The following CASZ1 variants were observed in gnomAD, a reference collection of about 807,000 sequenced individuals.
The protein encoded by CASZ1 is zinc finger protein castor homolog 1.
In CASZ1, 28 loss-of-function variants were observed where a neutral mutation model predicts 135.2. The observed-to-expected ratio is 0.21, with a 90% CI of 0.15 to 0.28. The LOEUF (loss-of-function observed/expected upper bound fraction) is 0.28. Among genes scored for constraint, CASZ1 ranks in the 10% least tolerant of loss-of-function variants. CASZ1 has a pLI of 1.00. For missense variants in CASZ1, 2,161 were observed against 2,453.3 expected, an observed-to-expected ratio of 0.88 and a Z score of 2.52; for synonymous variants, 1,068 against 1,073.4, an observed-to-expected ratio of 0.99 and a Z score of 0.10.
intron 2 of CASZ1, among the ~76,000 whole-genome samples, chr1:10,733,649 C>T (rs1012868653): frequency 1.3e-5 from 2 of 152,210 alleles, no homozygotes; most frequent in African/African-American, 4.8e-5. Context: ...AGGCCCAACT[C>T]AGTCTCCACT....
At chr1:10,729,711 C>A (rs1639669079) in intron 2 of CASZ1, among the ~76,000 whole-genome samples, 1 of 152,236 alleles carries the variant, frequency 6.6e-6, no homozygotes, top group South Asian at 2.1e-4. Context: ...AGCGGGTGAG[C>A]GGAACTGCCG....
chr1:10,672,339 G>A lies in CASZ1; in HGVS notation c.17-6768C>T, dbSNP rs985263174. On this transcript the variant is annotated intron_variant, in intron 4 of 20. Transcript: ENST00000377022. Reference sequence around the variant, plus strand: ...GGAAGGTCATTACAAACGACTTTCCGATTCACTGCTCCTGAAATAATTTTG... The same window carrying A: ...GGAAGGTCATTACAAACGACTTTCCAATTCACTGCTCCTGAAATAATTTTG... Among the ~76,000 whole-genome samples the A allele has an allele frequency of 4.6e-5, 7 of 151,636 alleles. No individual in the cohort carries two copies. The East Asian group carries it at 1.2e-3, about 25-fold the overall frequency.
chr1:10,749,538 C>T (rs772944789), intron 2 of CASZ1, among the ~76,000 whole-genome samples: 5 of 152,120 alleles, frequency 3.3e-5, no homozygotes, highest in Admixed American at 1.3e-4. Context: ...TGAGCCACCA[C>T]GCCCGGCCTA....
Position 10,636,882 on chromosome 1 carries a change from A to G in CASZ1, c.*2060T>C, listed in dbSNP as rs1257493370. On this transcript the variant is annotated 3_prime_UTR_variant, in exon 21 of 21. Transcript: ENST00000377022. Reference sequence around the variant, plus strand: ...TCTATATATGTATATACATATAGATATATACACACACATATGTGCATACAT... The same window carrying G: ...TCTATATATGTATATACATATAGATGTATACACACACATATGTGCATACAT... The G allele has an allele frequency of 6.6e-6, 1 of 151,960 alleles. No homozygotes were observed. Among genetic ancestry groups the G allele is most frequent in the Non-Finnish European group, 1.5e-5 (1 of 67,968 alleles). The allele number at this position is 151,960 out of a possible 1,614,324, so 9.4% of individuals were successfully genotyped here.
intron 2 of CASZ1, among the ~76,000 whole-genome samples, chr1:10,723,245 G>T (rs1349156961): frequency 1.3e-5 from 2 of 152,150 alleles, no homozygotes; most frequent in Admixed American, 1.3e-4. Flanking sequence ...AGCCAGAGGG[G>T]CCCACCTCCC....
Position 10,679,442 on chromosome 1 carries a change from T to A in CASZ1, c.17-13871A>T, listed in dbSNP as rs1300983711. 6.6e-6 allele frequency among the ~76,000 whole-genome samples: 1 copy of A among 151,516 alleles called. No individual in the cohort carries two copies. The highest frequency in any genetic ancestry group is 2.4e-5 in the African/African-American group (1 of 41,188). On this transcript the variant is annotated intron_variant, in intron 4 of 20. Coordinates refer to ENST00000377022, the MANE Select transcript of CASZ1 (RefSeq NM_001079843.3). The surrounding 1 kb of genome is among the most constrained non-coding windows in gnomAD (Gnocchi z 4.7). ...TCCCTCTGCCGATTCCAGGCTGGAG[T>A]CATTGTTCACCATCAGGATGACTCG...
intron 2 of CASZ1, among the ~76,000 whole-genome samples, chr1:10,742,405 G>A (rs963482286): frequency 2.6e-5 from 4 of 152,174 alleles, no homozygotes; most frequent in African/African-American, 7.2e-5. Flanking sequence ...GCTCGGACGC[G>A]GGGCTTGGTG....
chr1:10,655,821 G>A lies in CASZ1; in HGVS notation c.1501-8C>T, dbSNP rs1315786788. On this transcript the variant is annotated splice_region_variant and splice_polypyrimidine_tract_variant and intron_variant, in intron 8 of 20. Transcript: ENST00000377022. ...CTGCTTACTCGTGAACCTCTGCCAG[G>A]AGACAGCGCCACGTGGGCAGGAGCC... 1 of 1,612,286 alleles carries A rather than the reference G, an allele frequency of 6.2e-7. No homozygotes were observed. Among genetic ancestry groups the A allele is most frequent in the East Asian group, 2.2e-5 (1 of 44,798 alleles).
In CASZ1 at chr1:10,706,472, C is replaced by T. The variant is rs1309304499; in HGVS notation, c.-76-928G>A. 6.6e-6 allele frequency among the ~76,000 whole-genome samples: 1 copy of T among 152,150 alleles called. No individual in the cohort carries two copies. Among genetic ancestry groups the T allele is most frequent in the Non-Finnish European group, 1.5e-5 (1 of 68,012 alleles). On this transcript the variant is annotated intron_variant, in intron 2 of 20. Coordinates refer to ENST00000377022, the MANE Select transcript of CASZ1 (RefSeq NM_001079843.3). This position sits in a 1 kb window ranked among gnomAD's most constrained non-coding sequence, Gnocchi z 4.3. ...TCCCCCTCCCTCATTTGTGGCTTAT[C>T]AATGATGCAAGAGGAATAACACCAA... is the stretch of plus-strand genomic sequence containing the variant.
chr1:10,721,520 C>T lies in CASZ1; in HGVS notation c.-76-15976G>A, dbSNP rs996280550. ...TCATTTTCATAGGATCTCCTCCATT[C>T]CCGGCTCGCAGGGAGCTTGAAACCA... On this transcript the variant is annotated intron_variant, in intron 2 of 20. Transcript: ENST00000377022. This position sits in a 1 kb window ranked among gnomAD's most constrained non-coding sequence, Gnocchi z 5.4. 1.6e-4 allele frequency among the ~76,000 whole-genome samples: 24 copies of T among 152,178 alleles called. No individual in the cohort carries two copies. Among genetic ancestry groups the T allele is most frequent in the Admixed American group, 1.6e-3 (24 of 15,290 alleles).
At chr1:10,668,144 G>A (rs561113275) in intron 4 of CASZ1, among the ~76,000 whole-genome samples, 25 of 152,278 alleles carry the variant, frequency 1.6e-4, no homozygotes, top group African/African-American at 6.0e-4. Flanking sequence ...GTAAGTGCGA[G>A]CGCGTGTGAG....
chr1:10,743,977 C>G (rs550727667), intron 2 of CASZ1, among the ~76,000 whole-genome samples: 1 of 152,200 alleles, frequency 6.6e-6, no homozygotes, highest in East Asian at 1.9e-4. Flanking sequence ...GGACACCCAA[C>G]TATCTAGCAT....
chr1:10,703,765 C>A (rs1454271238), intron 3 of CASZ1, among the ~76,000 whole-genome samples: 1 of 152,202 alleles, frequency 6.6e-6, no homozygotes, highest in Non-Finnish European at 1.5e-5. Flanking sequence ...AATCATTAAC[C>A]TTTTAGGCTT....
rs1400219238 is a variant in CASZ1 at position 10,777,152 on chromosome 1, A to T, written c.-233-16295T>A. Among the ~76,000 whole-genome samples, 1 of 152,208 alleles carries T rather than the reference A, an allele frequency of 6.6e-6. No homozygotes were observed. The highest frequency in any genetic ancestry group is 1.5e-5 in the Non-Finnish European group (1 of 68,026). On this transcript the variant is annotated intron_variant, in intron 1 of 20. Transcript: ENST00000377022. The surrounding 1 kb of genome is among the most constrained non-coding windows in gnomAD (Gnocchi z 4.4). ...AGTTTCCCCACCTGTAAACCAGGACAATAACCTGTGAGCTGCCTTCTTCAC... is the reference window on the plus strand; with the variant it reads ...AGTTTCCCCACCTGTAAACCAGGACTATAACCTGTGAGCTGCCTTCTTCAC...
intron 1 of CASZ1, among the ~76,000 whole-genome samples, chr1:10,775,010 G>C (rs1640637976): frequency 6.6e-6 from 1 of 151,950 alleles, no homozygotes; most frequent in African/African-American, 2.4e-5. Context: ...AATACACCGA[G>C]AAAACCTCAC....
rs1268734842 is a variant in CASZ1 at position 10,647,023 on chromosome 1, TG to T, written c.3498-698del. Among the ~76,000 whole-genome samples the T allele has an allele frequency of 6.6e-6, 1 of 151,202 alleles. No homozygotes were observed. Among genetic ancestry groups the T allele is most frequent in the East Asian group, 2.0e-4 (1 of 5,088 alleles). On this transcript the variant is annotated intron_variant, in intron 16 of 20. Transcript: ENST00000377022. The surrounding 1 kb of genome is among the most constrained non-coding windows in gnomAD (Gnocchi z 4.9). ...AGCCTTCAACTCTGGTTGGCAACACTGTAGTCCCCTCCCAGGGGACCCACGG... is the reference window on the plus strand; with the variant it reads ...AGCCTTCAACTCTGGTTGGCAACACTTAGTCCCCTCCCAGGGGACCCACGG...
intron 4 of CASZ1, among the ~76,000 whole-genome samples, chr1:10,689,333 T>C (rs1357139646): frequency 3.3e-5 from 5 of 152,182 alleles, no homozygotes; most frequent in Admixed American, 6.5e-5. Flanking sequence ...GGCTTAGCCC[T>C]CCAAAGGTGC....
In CASZ1 at chr1:10,758,316, T is replaced by TTCTCTC. The variant is rs141247615; in HGVS notation, c.-77+2379_-77+2384dup. 7.2e-4 allele frequency among the ~76,000 whole-genome samples: 74 copies of TTCTCTC among 103,384 alleles called. 2 individuals are homozygous for TTCTCTC. Among genetic ancestry groups the TTCTCTC allele is most frequent in the Middle Eastern group, 4.9e-3 (1 of 206 alleles). 67.8% of individuals were successfully genotyped at this position (103,384 alleles called of 152,430 possible). On this transcript the variant is annotated intron_variant, in intron 2 of 20. Coordinates refer to ENST00000377022, the MANE Select transcript of CASZ1 (RefSeq NM_001079843.3). ...AGTGACTGACAGACGCCAGACCCTC[T>TTCTCTC]TCTCTCTCTCTCTTTTTTTTTTTTT...
Position 10,711,757 on chromosome 1 carries a change from G to A in CASZ1, c.-76-6213C>T, listed in dbSNP as rs1557525389. Among the ~76,000 whole-genome samples the A allele has an allele frequency of 6.6e-6, 1 of 152,206 alleles. No individual in the cohort carries two copies. Among genetic ancestry groups the A allele is most frequent in the African/African-American group, 2.4e-5 (1 of 41,432 alleles). On this transcript the variant is annotated intron_variant, in intron 2 of 20. Coordinates refer to ENST00000377022, the MANE Select transcript of CASZ1 (RefSeq NM_001079843.3). This position sits in a 1 kb window ranked among gnomAD's most constrained non-coding sequence, Gnocchi z 4.4. Reference sequence around the variant, plus strand: ...AATATTATTCAGCTATAAAAAAGGAGTGAAGTTCTGATATGGGCTACAATG... The same window carrying A: ...AATATTATTCAGCTATAAAAAAGGAATGAAGTTCTGATATGGGCTACAATG...
Sources: gnomAD v4.1 joint callset for allele counts (sites outside exome capture counted in the v4.1 genomes callset) on GRCh38, gnomAD v4.1.1 for gene constraint, Gnocchi (gnomAD v3.1) non-coding constraint, MANE v1.5 for transcripts, NCBI Gene and HGNC (gene_info 2026-07-23, HGNC 2026-07-21) for gene names.